ITPRID2: variants seen among roughly 807,000 people sequenced by gnomAD.
ITPRID2 encodes the protein protein ITPRID2.
Under a neutral mutation model 124.3 loss-of-function variants are expected in ITPRID2, and 60 were observed. The observed-to-expected ratio is 0.48, with a 90% CI of 0.39 to 0.60. The LOEUF is 0.60. ITPRID2 is among the 20% of genes least tolerant of loss of function. ITPRID2 has a pLI of 0.00. For missense variants in ITPRID2, 1,553 were observed against 1,512.2 expected (o/e 1.03, Z -0.45); for synonymous variants, 521 against 542.9 (o/e 0.96, Z 0.56).
At position 181,914,765 on chromosome 2, in the gene ITPRID2, G is replaced by A. The variant is rs372876400; in HGVS notation, c.1576-451G>A. On this transcript the variant is annotated intron_variant, in intron 10 of 17. Transcript: ENST00000431877. ...GAGAAGAACTGATTCAGAAAAATCC[G>A]GGCTGAAACTGGAGAGATACCCTGG... Among the ~76,000 whole-genome samples, 80 of 152,246 alleles carry A rather than the reference G, an allele frequency of 5.3e-4. No homozygotes were observed. The South Asian group carries it at 0.016, about 31-fold the overall frequency.
At position 181,909,909 on chromosome 2, in the gene ITPRID2, C is replaced by T. The variant is rs200190068; in HGVS notation, c.1424C>T (p.Thr475Met). The T allele has an allele frequency of 1.4e-4, 218 of 1,612,618 alleles. No individual in the cohort carries two copies. The highest frequency in any genetic ancestry group is 1.8e-4 in the Non-Finnish European group (207 of 1,179,034). ...AAAACTCTTCTTAAGGTTCAAAGTA[C>T]GGAGGGAGAAGCTCCTCATGTTCCA... is the stretch of plus-strand genomic sequence containing the variant. ...DSFEMEEVQS[T>M]EGEAPHVPAT... The change falls in exon 9 of 18, where the codon ACG becomes ATG. Residue 475 changes from threonine (T) to methionine (M), a missense_variant. Physicochemically the swap from Thr to Met is moderately conservative, Grantham distance 81. Coordinates refer to ENST00000431877, the MANE Select transcript of ITPRID2 (RefSeq NM_001130445.3).
chr2:181,921,963 C>T lies in ITPRID2; in HGVS notation c.3226C>T (p.Gln1076Ter). 2 of 1,613,948 alleles carry T rather than the reference C, an allele frequency of 1.2e-6. No homozygotes were observed. The highest frequency in any genetic ancestry group is 1.7e-6 in the Non-Finnish European group (2 of 1,179,924). The change falls in exon 16 of 18, where the codon CAG becomes TAG. Residue 1076 changes from glutamine (Q) to a stop codon, truncating the protein, a stop_gained. Transcript: ENST00000431877. LOFTEE classifies it high-confidence loss of function. ...TGATCTCCAGGTCACTGAACTGATG[C>T]AGGAGCAGTCATACCTGAAGTCTGA... ...NVMEPVTELM[Q>*]EQSYLKSELG...
intron 8 of ITPRID2, 75 bp from the exon 9 acceptor site, chr2:181,909,824 T>C: frequency 9.2e-7 from 1 of 1,084,766 alleles, no homozygotes; most frequent in Non-Finnish European, 1.4e-6. Context: ...ATTTGTTTAA[T>C]AGATATTTAT....
At chr2:181,921,146 T>C (rs1372631245) in intron 15 of ITPRID2, among the ~76,000 whole-genome samples, 2 of 152,030 alleles carry the variant, frequency 1.3e-5, no homozygotes, top group Non-Finnish European at 2.9e-5. Context: ...ATTGTGCCAC[T>C]GCACTCCAGC....
chr2:181,926,057 T>A (rs2125115385), intron 16 of ITPRID2, among the ~76,000 whole-genome samples: 1 of 148,748 alleles, frequency 6.7e-6, no homozygotes, highest in African/African-American at 2.5e-5. Flanking sequence ...GCGGATCACC[T>A]GAGGTCAGGA....
intron 8 of ITPRID2, among the ~76,000 whole-genome samples, chr2:181,904,700 T>A (rs950424651): frequency 1.3e-5 from 2 of 152,194 alleles, no homozygotes; most frequent in African/African-American, 2.4e-5. Context: ...TAAATATAAG[T>A]TAGAGCTCCC....
Position 181,916,095 on chromosome 2 carries a change from C to T in ITPRID2, c.2455C>T (p.Arg819Trp), listed in dbSNP as rs112676123. 2.0e-5 allele frequency: 33 copies of T among 1,614,198 alleles called. No individual in the cohort carries two copies. Among genetic ancestry groups the T allele is most frequent in the Middle Eastern group, 1.6e-4 (1 of 6,062 alleles). The change falls in exon 11 of 18, where the codon CGG becomes TGG. Residue 819 changes from arginine to tryptophan, a missense_variant. Transcript: ENST00000431877. ...KEEAPQSEAP[R>W]VEECHHGRTP... ...AGAAGCCCCCCAGAGTGAGGCGCCG[C>T]GGGTGGAGGAATGCCATCATGGAAG...
At chr2:181,913,069 A>ATT (rs200694653) in intron 9 of ITPRID2, among the ~76,000 whole-genome samples, 11 of 151,224 alleles carry the variant, frequency 7.3e-5, no homozygotes, top group South Asian at 4.2e-4. Context: ...GTATTTATTT[A>ATT]TTTATTTATT....
intron 2 of ITPRID2, chr2:181,893,198 A>T (rs1203248972): frequency 6.3e-6 from 1 of 158,438 alleles, no homozygotes; most frequent in South Asian, 1.8e-4. Context: ...ATTCTCAGGG[A>T]ATAGAACTTT....
chr2:181,893,185 G>C (rs1691905405), intron 2 of ITPRID2: 1 of 159,164 alleles, frequency 6.3e-6, no homozygotes, highest in Non-Finnish European at 1.4e-5. Flanking sequence ...AGATGGCACT[G>C]GAATTCTCAG....
Position 181,892,691 on chromosome 2 carries a change from G to T in ITPRID2, c.257+31G>T, listed in dbSNP as rs374233686. On this transcript the variant is annotated intron_variant, in intron 2 of 17. Coordinates refer to ENST00000431877, the MANE Select transcript of ITPRID2 (RefSeq NM_001130445.3). The surrounding 1 kb of genome is among the most constrained non-coding windows in gnomAD (Gnocchi z 5.2). ...TGCTCCCTGGTCCGCCCGCGTCCCGGGGGAGATCCGTGCGGACGGGACGCC... is the reference window on the plus strand; with the variant it reads ...TGCTCCCTGGTCCGCCCGCGTCCCGTGGGAGATCCGTGCGGACGGGACGCC... 1 of 1,613,542 alleles carries T rather than the reference G, an allele frequency of 6.2e-7. No individual in the cohort carries two copies. The highest frequency in any genetic ancestry group is 8.5e-7 in the Non-Finnish European group (1 of 1,179,826).
chr2:181,928,554 A>G (rs1205578911), intron 17 of ITPRID2, among the ~76,000 whole-genome samples: 2 of 152,134 alleles, frequency 1.3e-5, no homozygotes, highest in Non-Finnish European at 1.5e-5. Flanking sequence ...TCAAACCTGA[A>G]TCTTATTTTG....
At chr2:181,912,277 A>G (rs980285675) in intron 9 of ITPRID2, among the ~76,000 whole-genome samples, 2 of 152,270 alleles carry the variant, frequency 1.3e-5, no homozygotes, top group East Asian at 3.8e-4. Context: ...GTTTAAAGAT[A>G]TGAAAATACG....
chr2:181,900,929 ATTATT>A (rs750887836), intron 7 of ITPRID2, 25 bp downstream of exon 7: 1 of 1,547,640 alleles, frequency 6.5e-7, no homozygotes, highest in Non-Finnish European at 8.8e-7. Flanking sequence ...TGTTAGGCAT[ATTATT>A]TTCTTAAATT....
Position 181,896,177 on chromosome 2 carries a change from C to G in ITPRID2, c.307+98C>G. ...ATATATGACTTATAAAAGTGATATTCATGTTTATAGTATATGCTATTCTGA... is the reference window on the plus strand; with the variant it reads ...ATATATGACTTATAAAAGTGATATTGATGTTTATAGTATATGCTATTCTGA... On this transcript the variant is annotated intron_variant, in intron 3 of 17. Transcript: ENST00000431877. This position sits in a 1 kb window ranked among gnomAD's most constrained non-coding sequence, Gnocchi z 4.3. 9.2e-7 allele frequency: 1 copy of G among 1,090,874 alleles called. No individual in the cohort carries two copies. Among genetic ancestry groups the G allele is most frequent in the South Asian group, 1.4e-5 (1 of 73,794 alleles). The allele number at this position is 1,090,874 out of a possible 1,614,324, so 67.6% of individuals were successfully genotyped here.
intron 6 of ITPRID2, 49 bp downstream of exon 6, chr2:181,899,161 C>G (rs1202321241): frequency 7.9e-7 from 1 of 1,272,148 alleles, no homozygotes; most frequent in South Asian, 1.4e-5. Flanking sequence ...TATAGATGAC[C>G]TACTCTTATC....
chr2:181,901,487 T>C (rs1392949412), intron 7 of ITPRID2, among the ~76,000 whole-genome samples: 3 of 152,198 alleles, frequency 2.0e-5, no homozygotes, highest in African/African-American at 4.8e-5. Context: ...GTAGATTCAA[T>C]AGCTAGTTCT....
rs778077655 is a variant in ITPRID2, at chr2:181,896,725, T to C, written c.308-183T>C. On this transcript the variant is annotated intron_variant, in intron 3 of 17. Coordinates refer to ENST00000431877, the MANE Select transcript of ITPRID2 (RefSeq NM_001130445.3). This position sits in a 1 kb window ranked among gnomAD's most constrained non-coding sequence, Gnocchi z 4.3. The stretch of plus-strand genomic sequence containing the variant: ...TGCTGGAAAAGTGGTTTCTTTACGT[T>C]AAAGTAAAAGCTTATACCTGCTTCT... Among the ~76,000 whole-genome samples, 12 of 152,024 alleles carry C rather than the reference T, an allele frequency of 7.9e-5. No homozygotes were observed. The highest frequency in any genetic ancestry group is 1.8e-4 in the Non-Finnish European group (12 of 67,874).
intron 4 of ITPRID2, 46 bp downstream of exon 4, chr2:181,897,010 T>TA (rs747163713): frequency 7.9e-5 from 121 of 1,530,204 alleles, no homozygotes; most frequent in African/African-American, 3.2e-4. Context: ...TTTTCAAATT[T>TA]AAAAAAAATG....
Sources: allele counts gnomAD v4.1 joint callset (sites outside exome capture counted in the v4.1 genomes callset), GRCh38; gene constraint gnomAD v4.1.1; non-coding constraint Gnocchi (gnomAD v3.1); transcripts MANE v1.5; gene names NCBI Gene and HGNC (gene_info 2026-07-23, HGNC 2026-07-21).